Variants in TAPBPL observed in about 807,000 individuals in gnomAD.
The protein encoded by TAPBPL is tapasin-related protein.
In TAPBPL, 32 loss-of-function variants were observed where a neutral mutation model predicts 44.8. The observed-to-expected ratio is 0.71, with a 90% CI of 0.54 to 0.96. The LOEUF is 0.96. TAPBPL is among the 40% of genes least tolerant of loss of function. TAPBPL has a pLI of 0.00. For synonymous variants in TAPBPL, 230 were observed against 240.7 expected, an observed-to-expected ratio of 0.96 and a Z score of 0.41; for missense variants, 520 against 586.6, an observed-to-expected ratio of 0.89 and a Z score of 1.17.
chr12:6,460,542 C>T (rs1440058094), intron 5 of TAPBPL, among the ~76,000 whole-genome samples: 1 of 152,224 alleles, frequency 6.6e-6, no homozygotes, highest in Non-Finnish European at 1.5e-5. Flanking sequence ...TCTGGGATTA[C>T]AGGCATGAGC....
chr12:6,452,231 A>C lies in TAPBPL; in HGVS notation c.-18A>C, dbSNP rs1216356034. ...GGAGAAGGGCGGTGGGCAAGGAGGG[A>C]ACTCGAGAGCAGCCTCCATGGGCAC... On this transcript the variant is annotated 5_prime_UTR_variant, in exon 1 of 7. Transcript: ENST00000266556. The C allele has an allele frequency of 6.4e-7, 1 of 1,566,568 alleles. No individual in the cohort carries two copies. Among genetic ancestry groups the C allele is most frequent in the Non-Finnish European group, 8.7e-7 (1 of 1,155,650 alleles).
At chr12:6,465,848 G>A, downstream of TAPBPL, 1 of 1,614,078 alleles carries the variant, frequency 6.2e-7, no homozygotes, top group Non-Finnish European at 8.5e-7. Context: ...TCACCTTGCA[G>A]TTTTTCCACC....
Position 6,453,619 on chromosome 12 carries a change from C to T in TAPBPL, c.468C>T (p.Ser156=). The change falls in exon 3 of 7, where the codon TCC becomes TCT. Residue 156 remains serine, a synonymous_variant. Coordinates refer to ENST00000266556, the MANE Select transcript of TAPBPL (RefSeq NM_018009.5). This position sits in a 1 kb window ranked among gnomAD's most constrained non-coding sequence, Gnocchi z 4.8. ...MQVSGGGPSI[S]LVMKTPRVTK... is the part of the protein sequence containing the mutation. ...TCTCTGGAGGGGGACCTAGCATCTC[C>T]TTGGTGATGAAGACTCCCAGGGTCA... 2 of 1,614,110 alleles carry T rather than the reference C, an allele frequency of 1.2e-6. No homozygotes were observed. Among genetic ancestry groups the T allele is most frequent in the Non-Finnish European group, 1.7e-6 (2 of 1,180,010 alleles).
chr12:6,457,837 C>T, intron 4 of TAPBPL, 93 bp downstream of exon 4: 1 of 1,351,564 alleles, frequency 7.4e-7, no homozygotes, highest in Admixed American at 2.9e-5. Context: ...GAATGATTTC[C>T]TGAGAAGCAG....
At chr12:6,463,928 AG>A (rs1021170508), downstream of TAPBPL, 7 of 1,288,118 alleles carry the variant, frequency 5.4e-6, no homozygotes, top group African/African-American at 6.1e-5. This position sits in a 1 kb window ranked among gnomAD's most constrained non-coding sequence, Gnocchi z 4.0. Flanking sequence ...ACTTTCGAAA[AG>A]GGTACTGCAC....
intron 5 of TAPBPL, among the ~76,000 whole-genome samples, chr12:6,459,760 A>ATTTAT (rs1555127446): frequency 8.2e-5 from 9 of 110,392 alleles, no homozygotes; most frequent in Non-Finnish European, 1.5e-4. Flanking sequence ...TTATTTATTT[A>ATTTAT]TTTATTTTAT....
chr12:6,454,285 A>G (rs1239503285), intron 3 of TAPBPL, among the ~76,000 whole-genome samples: 6 of 151,958 alleles, frequency 3.9e-5, no homozygotes, highest in Non-Finnish European at 8.8e-5. Context: ...CCTGGCCAAC[A>G]TGGTGAAACC....
the TAPBPL span, among the ~76,000 whole-genome samples, chr12:6,471,969 G>A: frequency 6.6e-6 from 1 of 152,144 alleles, no homozygotes; most frequent in Admixed American, 6.6e-5. This position sits in a 1 kb window ranked among gnomAD's most constrained non-coding sequence, Gnocchi z 4.0. Flanking sequence ...GCATAAAAAG[G>A]GAAATAGAAA....
downstream of TAPBPL, chr12:6,462,797 C>T (rs532602716): frequency 7.3e-5 from 116 of 1,587,648 alleles, no homozygotes; most frequent in Non-Finnish European, 9.4e-5. Context: ...CGAGGGGGGC[C>T]GTTGGGAGGG....
chr12:6,470,668 G>A (rs1257566224), downstream of TAPBPL: 5 of 1,128,766 alleles, frequency 4.4e-6, no homozygotes, highest in Admixed American at 2.0e-5. Flanking sequence ...TAGCTGCGCT[G>A]GAACTTACTG....
intron 1 of TAPBPL, 132 bp downstream of exon 1, chr12:6,452,444 A>G (rs1483861384): frequency 1.4e-6 from 2 of 1,456,584 alleles, no homozygotes; most frequent in Non-Finnish European, 1.8e-6. Flanking sequence ...CAACAGGGGA[A>G]AGGCTCAGCG....
At chr12:6,456,125 ATT>A in intron 3 of TAPBPL, among the ~76,000 whole-genome samples, 1 of 99,098 alleles carries the variant, frequency 1.0e-5, no homozygotes, top group Middle Eastern at 4.4e-3. Flanking sequence ...TTGTCCCAAT[ATT>A]TTTTTTTTTA....
At chr12:6,454,643 T>C (rs906100455) in intron 3 of TAPBPL, among the ~76,000 whole-genome samples, 2 of 152,172 alleles carry the variant, frequency 1.3e-5, no homozygotes, top group African/African-American at 4.8e-5. Flanking sequence ...ACATGGGTGC[T>C]GTCCACTGTA....
downstream of TAPBPL, chr12:6,465,204 T>C (rs1949973376): frequency 4.0e-6 from 2 of 497,918 alleles, no homozygotes; most frequent in Non-Finnish European, 7.4e-6. Flanking sequence ...GTCTTGGGGC[T>C]TTAGAAGGCA....
At chr12:6,454,322 G>C (rs1949648554) in intron 3 of TAPBPL, among the ~76,000 whole-genome samples, 1 of 152,100 alleles carries the variant, frequency 6.6e-6, no homozygotes, top group African/African-American at 2.4e-5. Context: ...ACAGAAATTA[G>C]CCGGGCATGA....
rs1046509342 is a variant in TAPBPL at position 6,461,463 on chromosome 12, G to A, written c.1291+525G>A. ...GAACAAGTGAGGGACAATGAGGCAT[G>A]GGTTGGGGCTGGGCTACCCCTCCCA... is the stretch of plus-strand genomic sequence containing the variant. On this transcript the variant is annotated intron_variant, in intron 6 of 6. Transcript: ENST00000266556. 1.0e-5 allele frequency: 10 copies of A among 996,204 alleles called. No individual in the cohort carries two copies. The African/African-American group carries it at 1.4e-4, about 14-fold the overall frequency. The allele number at this position is 996,204 out of a possible 1,614,324, so 61.7% of individuals were successfully genotyped here.
chr12:6,464,511 C>T, downstream of TAPBPL: 1 of 1,488,354 alleles, frequency 6.7e-7, no homozygotes, highest in Non-Finnish European at 8.9e-7. Flanking sequence ...CAGGAAGTCC[C>T]AGACGGAAAA....
downstream of TAPBPL, chr12:6,464,372 G>A: frequency 6.4e-7 from 1 of 1,552,226 alleles, no homozygotes; most frequent in Non-Finnish European, 8.7e-7. Flanking sequence ...GGGCTGGAAT[G>A]GAGGACGGTG....
At chr12:6,464,513 G>A, downstream of TAPBPL, 1 of 1,486,190 alleles carries the variant, frequency 6.7e-7, no homozygotes, top group Non-Finnish European at 8.9e-7. Context: ...GGAAGTCCCA[G>A]ACGGAAAAGA....
Sources: gnomAD v4.1 joint callset for allele counts (sites outside exome capture counted in the v4.1 genomes callset) on GRCh38, gnomAD v4.1.1 for gene constraint, Gnocchi (gnomAD v3.1) non-coding constraint, MANE v1.5 for transcripts, NCBI Gene and HGNC (gene_info 2026-07-23, HGNC 2026-07-21) for gene names.